ARSK: variants seen among roughly 807,000 people sequenced by gnomAD.
The protein encoded by ARSK is arylsulfatase K.
ARSK carries 37 observed loss-of-function variants against 53.2 expected under a neutral mutation model. That is an observed-to-expected ratio of 0.70 (90% confidence interval 0.54 to 0.92). ARSK has a LOEUF of 0.92. Among genes scored for constraint, ARSK ranks in the 40% least tolerant of loss-of-function variants. The pLI, the probability that ARSK is intolerant of heterozygous loss-of-function variation, is 0.00. For synonymous variants in ARSK, 208 were observed against 223.2 expected (o/e 0.93, Z 0.61); for missense variants, 613 against 643.0 (o/e 0.95, Z 0.51).
In ARSK at chr5:95,555,465, G is replaced by A; in HGVS notation, c.126+61G>A. On this transcript the variant is annotated intron_variant, in intron 1 of 7. Coordinates refer to ENST00000380009, the MANE Select transcript of ARSK (RefSeq NM_198150.3). The surrounding 1 kb of genome is among the most constrained non-coding windows in gnomAD (Gnocchi z 4.0). The stretch of plus-strand genomic sequence containing the variant: ...GGGGATCGGCGACCTCACCGCCGCC[G>A]CCTGTGCTGCAGGCTTTGGGGAGCA... The A allele has an allele frequency of 6.5e-7, 1 of 1,536,232 alleles. No individual in the cohort carries two copies. The highest frequency in any genetic ancestry group is 8.8e-7 in the Non-Finnish European group (1 of 1,137,024).
At chr5:95,584,285 G>T (rs184139840) in intron 4 of ARSK, among the ~76,000 whole-genome samples, 6 of 152,284 alleles carry the variant, frequency 3.9e-5, no homozygotes, top group African/African-American at 1.2e-4. Flanking sequence ...TCACTGAATG[G>T]CATACATATC....
intron 5 of ARSK, among the ~76,000 whole-genome samples, chr5:95,590,365 G>T (rs1396652871): frequency 6.6e-6 from 1 of 152,166 alleles, no homozygotes; most frequent in Non-Finnish European, 1.5e-5. Context: ...AGGGTGCTGA[G>T]TGTGGAGAGT....
At chr5:95,565,019 G>C (rs1035244050) in intron 1 of ARSK, among the ~76,000 whole-genome samples, 13 of 152,150 alleles carry the variant, frequency 8.5e-5, no homozygotes, top group Admixed American at 4.6e-4. Context: ...GGGAATCTCA[G>C]CTATCTCAAG....
Position 95,601,051 on chromosome 5 carries a change from C to A in ARSK, c.1301C>A (p.Ser434Ter). The change falls in exon 7 of 8, where the codon TCA (serine) becomes TAA (stop). Residue 434 changes from serine to a stop codon, truncating the protein, a stop_gained. Transcript: ENST00000380009. LOFTEE classifies it high-confidence loss of function. Reference protein sequence around the residue: ...WKYIAYSDGASILPQLFDLSS... With the variant: ...WKYIAYSDGA ...TATATAGCCTATTCGGATGGTGCAT[C>A]AATATTGCCTCAACTCTTTGGTAAG... 1 of 1,613,582 alleles carries A rather than the reference C, an allele frequency of 6.2e-7. No individual in the cohort carries two copies. Among genetic ancestry groups the A allele is most frequent in the Non-Finnish European group, 8.5e-7 (1 of 1,179,530 alleles).
Position 95,588,834 on chromosome 5 carries a change from C to T in ARSK, c.871+2101C>T, listed in dbSNP as rs187642770. Among the ~76,000 whole-genome samples the T allele has an allele frequency of 2.7e-3, 403 of 152,044 alleles. 2 individuals carry two copies. The highest frequency in any genetic ancestry group is 7.5e-3 in the African/African-American group (313 of 41,460). ...AAAATTAGCTGGGTGTGGCAGTGTG[C>T]GCCTGTAGTCCCAGCTACTCAGGAG... On this transcript the variant is annotated intron_variant, in intron 5 of 7. Transcript: ENST00000380009.
chr5:95,599,343 T>C (rs1042136664), intron 6 of ARSK, among the ~76,000 whole-genome samples: 1 of 152,188 alleles, frequency 6.6e-6, no homozygotes, highest in African/African-American at 2.4e-5. Flanking sequence ...GAACTTGCCA[T>C]AGTCATGAGT....
intron 3 of ARSK, among the ~76,000 whole-genome samples, chr5:95,570,663 A>G (rs1748811550): frequency 6.6e-6 from 1 of 152,254 alleles, no homozygotes. Context: ...TACAAGGATT[A>G]AGCGGAATAA....
chr5:95,603,358 C>T lies in ARSK; in HGVS notation c.1443C>T (p.His481=). ...ACCCTAAAGTTTCTGCTTCTGTCCACCAGTATAATAAAGAGCAGTTTATCA... is the reference window on the plus strand; with the variant it reads ...ACCCTAAAGTTTCTGCTTCTGTCCATCAGTATAATAAAGAGCAGTTTATCA... The part of the protein sequence containing the change: ...INYPKVSASV[H]QYNKEQFIKW... The change falls in exon 8 of 8, where the codon CAC becomes CAT. Residue 481 remains histidine, a synonymous_variant. Transcript: ENST00000380009. 1 of 1,613,042 alleles carries T rather than the reference C, an allele frequency of 6.2e-7. No individual in the cohort carries two copies. The highest frequency in any genetic ancestry group is 8.5e-7 in the Non-Finnish European group (1 of 1,179,520).
chr5:95,563,942 T>TA (rs1410187801), intron 1 of ARSK, among the ~76,000 whole-genome samples: 2 of 151,692 alleles, frequency 1.3e-5, no homozygotes, highest in African/African-American at 2.4e-5. Flanking sequence ...TTTAAGGGCT[T>TA]AAAGAAATTC....
intron 3 of ARSK, among the ~76,000 whole-genome samples, chr5:95,568,484 T>C (rs1748768254): frequency 6.6e-6 from 1 of 152,128 alleles, no homozygotes. Flanking sequence ...CCAAGCATAG[T>C]GGTTAAGAGT....
intron 1 of ARSK, among the ~76,000 whole-genome samples, chr5:95,558,394 G>A (rs1748565436): frequency 6.6e-6 from 1 of 152,104 alleles, no homozygotes; most frequent in African/African-American, 2.4e-5. Flanking sequence ...AGAAACAGAG[G>A]ATGGAAAAAT....
chr5:95,596,998 G>T (rs577558816), intron 6 of ARSK, among the ~76,000 whole-genome samples: 5 of 152,076 alleles, frequency 3.3e-5, no homozygotes, highest in African/African-American at 1.2e-4. Context: ...GCAGGAAAAT[G>T]ACATTTATGA....
chr5:95,590,425 T>C (rs1035904969), intron 5 of ARSK, among the ~76,000 whole-genome samples: 1 of 152,004 alleles, frequency 6.6e-6, no homozygotes, highest in Admixed American at 6.6e-5. Context: ...TGGGCATCTA[T>C]GAAAAAGTTT....
At chr5:95,556,488 T>G in intron 1 of ARSK, 1 of 433,956 alleles carries the variant, frequency 2.3e-6, no homozygotes, top group East Asian at 4.0e-5. Flanking sequence ...GAACAGACCT[T>G]TCCACCTGCA....
chr5:95,570,212 G>A (rs1050838910), intron 3 of ARSK, among the ~76,000 whole-genome samples: 1 of 152,114 alleles, frequency 6.6e-6, no homozygotes, highest in Non-Finnish European at 1.5e-5. Context: ...TGATTTATGA[G>A]ACCCTACATG....
chr5:95,556,534 A>T (rs186759022), intron 1 of ARSK: 164 of 349,754 alleles, frequency 4.7e-4, no homozygotes, highest in African/African-American at 2.7e-3. Context: ...TGCTCCTAGA[A>T]TGGGGCATGG....
chr5:95,568,143 A>T, intron 3 of ARSK, 94 bp downstream of exon 3: 1 of 1,324,594 alleles, frequency 7.5e-7, no homozygotes, highest in South Asian at 1.7e-5. Flanking sequence ...TTTTTCCACA[A>T]AGGTGAAAGT....
intron 1 of ARSK, among the ~76,000 whole-genome samples, chr5:95,558,036 A>G (rs1748555532): frequency 6.6e-6 from 1 of 152,180 alleles, no homozygotes; most frequent in African/African-American, 2.4e-5. Flanking sequence ...GTGGCCAAGA[A>G]GATAGGACTA....
At chr5:95,572,881 A>G (rs946776278) in intron 3 of ARSK, among the ~76,000 whole-genome samples, 1 of 152,174 alleles carries the variant, frequency 6.6e-6, no homozygotes, top group Non-Finnish European at 1.5e-5. Context: ...CTTCACCCCC[A>G]TACACCACCC....
Sources: allele counts gnomAD v4.1 joint callset (sites outside exome capture counted in the v4.1 genomes callset), GRCh38; gene constraint gnomAD v4.1.1; non-coding constraint Gnocchi (gnomAD v3.1); transcripts MANE v1.5; gene names NCBI Gene and HGNC (gene_info 2026-07-23, HGNC 2026-07-21).